The following HIPK1 variants were observed in gnomAD, a reference collection of about 807,000 sequenced individuals.
The protein encoded by HIPK1 is homeodomain-interacting protein kinase 1.
In HIPK1, 28 loss-of-function variants were observed where a neutral mutation model predicts 117.1. That is an observed-to-expected ratio of 0.24 (90% confidence interval 0.18 to 0.33). The LOEUF is 0.33. HIPK1 is among the 10% of genes least tolerant of loss of function. The pLI, the probability that HIPK1 is intolerant of heterozygous loss-of-function variation, is 1.00. For synonymous variants in HIPK1, 605 were observed against 562.5 expected (o/e 1.08, Z -1.07); for missense variants, 1,122 against 1,475.1 (o/e 0.76, Z 3.92).
chr1:113,957,261 A>G lies in HIPK1; in HGVS notation c.1730A>G (p.Asn577Ser), dbSNP rs769873321. 36 of 1,613,918 alleles carry G rather than the reference A, an allele frequency of 2.2e-5. No homozygotes were observed. The South Asian group carries it at 2.6e-4, about 12-fold the overall frequency. ...TSTNLTMSFS[N>S]QLNTVHNQAS... ...ACAAATCTAACCATGAGCTTCAGCAATCAGCTCAATACAGTGCACAATCAG... is the reference window on the plus strand; with the variant it reads ...ACAAATCTAACCATGAGCTTCAGCAGTCAGCTCAATACAGTGCACAATCAG... The change falls in exon 7 of 16, where the codon AAT (asparagine) becomes AGT (serine). Residue 577 changes from asparagine to serine, a missense_variant. By Grantham distance (46) the Asn-to-Ser change is conservative. Transcript: ENST00000426820.
chr1:113,932,112 A>G (rs948956090), intron 1 of HIPK1: 3 of 152,090 alleles, frequency 2.0e-5, no homozygotes, highest in Non-Finnish European at 2.9e-5. Context: ...AATGCCTAAT[A>G]TATTCCTGTA....
chr1:113,931,639 G>GA (rs894733694), intron 1 of HIPK1, among the ~76,000 whole-genome samples: 6 of 150,126 alleles, frequency 4.0e-5, no homozygotes, highest in African/African-American at 1.2e-4. Flanking sequence ...CCTTCTAAAA[G>GA]AAAAAAAAAG....
chr1:113,972,239 C>A (rs988805544), intron 15 of HIPK1, among the ~76,000 whole-genome samples: 9 of 152,152 alleles, frequency 5.9e-5, no homozygotes, highest in Admixed American at 5.9e-4. Flanking sequence ...GGTGCTTTAA[C>A]CATGTCTGTG....
At chr1:113,953,128 T>C (rs1002031762) in intron 3 of HIPK1, among the ~76,000 whole-genome samples, 12 of 152,206 alleles carry the variant, frequency 7.9e-5, no homozygotes, top group Non-Finnish European at 1.2e-4. Flanking sequence ...AGGTTGATAC[T>C]TTGCTAGATC....
chr1:113,959,995 A>G (rs960822124), intron 8 of HIPK1, among the ~76,000 whole-genome samples: 2 of 152,206 alleles, frequency 1.3e-5, no homozygotes, highest in Non-Finnish European at 2.9e-5. Context: ...TTGCAGAACC[A>G]TGATTTGAAC....
rs545350630 is a variant in HIPK1, at chr1:113,952,000, G to A, written c.1077-766G>A. Among the ~76,000 whole-genome samples the A allele has an allele frequency of 8.9e-4, 118 of 132,010 alleles. 1 individual carries two copies. Among genetic ancestry groups the A allele is most frequent in the African/African-American group, 3.3e-3 (114 of 34,546 alleles). 86.6% of individuals were successfully genotyped at this position (132,010 alleles called of 152,430 possible). A position where few individuals can be genotyped will look rare whatever the true frequency, so the allele number is the denominator to read the frequency against. On this transcript the variant is annotated intron_variant, in intron 2 of 15. Coordinates refer to ENST00000426820, the MANE Select transcript of HIPK1 (RefSeq NM_198268.3). ...GTCTCCTAGGCTGGAGTGTAGTGGT[G>A]TGATCTTGGCTTACTGCAACCTCTA...
chr1:113,970,307 T>C, intron 14 of HIPK1, 110 bp downstream of exon 14: 1 of 1,166,908 alleles, frequency 8.6e-7, no homozygotes, highest in Non-Finnish European at 1.2e-6. Context: ...GTGTAGACAT[T>C]CTTAAAGAGA....
intron 11 of HIPK1, among the ~76,000 whole-genome samples, chr1:113,966,604 AT>A (rs1198289789): frequency 1.8e-4 from 27 of 152,126 alleles, no homozygotes; most frequent in African/African-American, 6.5e-4. Flanking sequence ...CTAATGTTTA[AT>A]TTTTGTGATT....
At position 113,967,801 on chromosome 1, in the gene HIPK1, T is replaced by C; in HGVS notation, c.2417T>C (p.Ile806Thr). ...TCTCATGGCAACCAGTACAGCACTA[T>C]CATGCAGCAGCCATCCTTGCTGACT... ...AHSHGNQYST[I>T]MQQPSLLTNH... Residue 806 changes from isoleucine (I) to threonine (T), a missense_variant, in exon 12 of 16, where the codon ATC becomes ACC. Ile to Thr is a moderately conservative substitution (Grantham distance 89). Around this residue, in one of 6 missense-constraint regions of HIPK1, gnomAD observed 731 missense variants for 860.4 expected, o/e 0.85. Coordinates refer to ENST00000426820, the MANE Select transcript of HIPK1 (RefSeq NM_198268.3). 6.2e-7 allele frequency: 1 copy of C among 1,605,738 alleles called. No homozygotes were observed. Among genetic ancestry groups the C allele is most frequent in the South Asian group, 1.1e-5 (1 of 89,600 alleles).
intron 12 of HIPK1, 127 bp downstream of exon 12, chr1:113,968,075 G>T (rs911948629): frequency 4.3e-5 from 34 of 787,440 alleles, no homozygotes; most frequent in Non-Finnish European, 6.4e-5. Flanking sequence ...AATTGAGGAA[G>T]AGCAAATCAT....
At chr1:113,932,702 G>C (rs1247842292) in intron 1 of HIPK1, among the ~76,000 whole-genome samples, 1 of 152,066 alleles carries the variant, frequency 6.6e-6, no homozygotes, top group Admixed American at 6.5e-5. Context: ...TCTCATCTCG[G>C]AATTAGGGGG....
Position 113,958,553 on chromosome 1 carries a change from A to G in HIPK1, c.1981+262A>G, listed in dbSNP as rs1671879637. The stretch of plus-strand genomic sequence containing the variant: ...CTGATACCAGTTTTCTTGCCCATTG[A>G]GTCCTTGTGTCAATGTCGTACGTCT... On this transcript the variant is annotated intron_variant, in intron 8 of 15. Coordinates refer to ENST00000426820, the MANE Select transcript of HIPK1 (RefSeq NM_198268.3). Among the ~76,000 whole-genome samples the G allele has an allele frequency of 3.3e-5, 5 of 152,310 alleles. No individual in the cohort carries two copies. In the South Asian group the frequency reaches 1.0e-3, roughly 32 times the overall value.
Position 113,973,598 on chromosome 1 carries a change from AC to A in HIPK1, c.*89del. 1 of 1,448,106 alleles carries A rather than the reference AC, an allele frequency of 6.9e-7. No homozygotes were observed. The highest frequency in any genetic ancestry group is 9.2e-7 in the Non-Finnish European group (1 of 1,088,458). 89.7% of individuals were successfully genotyped at this position (1,448,106 alleles called of 1,614,324 possible). A position where few individuals can be genotyped will look rare whatever the true frequency, so the allele number is the denominator to read the frequency against. On this transcript the variant is annotated 3_prime_UTR_variant, in exon 16 of 16. Coordinates refer to ENST00000426820, the MANE Select transcript of HIPK1 (RefSeq NM_198268.3). ...TTGGGCTATGGAGAGATCCTCCTTT[AC>A]CCTCTTGAAATTTCTTAGCCAGCAA...
At position 113,958,132 on chromosome 1, in the gene HIPK1, T is replaced by C; in HGVS notation, c.1822T>C (p.Ser608Pro). ...ATLSLANSDVSLLNYQSALYP... is the reference protein window; with the variant it reads ...ATLSLANSDVPLLNYQSALYP... ...TCTTTCTCTGGCTAATTCAGATGTC[T>C]CACTACTAAACTACCAGTCAGCTTT... The change falls in exon 8 of 16, where the codon TCA (serine) becomes CCA (proline). Residue 608 changes from serine to proline, a missense_variant. Ser to Pro is a moderately conservative substitution (Grantham distance 74, BLOSUM62 -1). This residue lies in a region of HIPK1 where 731 missense variants were observed against 860.4 expected (regional missense o/e 0.85). Transcript: ENST00000426820. 1 of 1,614,222 alleles carries C rather than the reference T, an allele frequency of 6.2e-7. No individual in the cohort carries two copies. The highest frequency in any genetic ancestry group is 8.5e-7 in the Non-Finnish European group (1 of 1,180,026).
At chr1:113,930,025 C>T in intron 1 of HIPK1, 1 of 984,962 alleles carries the variant, frequency 1.0e-6, no homozygotes. Flanking sequence ...GCCGCCGGCT[C>T]TCCTGGAGCG....
At chr1:113,952,042 G>A (rs1043940361) in intron 2 of HIPK1, among the ~76,000 whole-genome samples, 1 of 149,272 alleles carries the variant, frequency 6.7e-6, no homozygotes, top group Non-Finnish European at 1.5e-5. Context: ...GGGTTCAAGC[G>A]ATTCTTTTGT....
At chr1:113,938,630 CA>C (rs994016466) in intron 1 of HIPK1, among the ~76,000 whole-genome samples, 6 of 151,710 alleles carry the variant, frequency 4.0e-5, no homozygotes, top group Non-Finnish European at 7.4e-5. Context: ...CTTAGGAGGC[CA>C]GGGGCAGTGG....
At chr1:113,944,240 C>T (rs1393609407) in intron 2 of HIPK1, among the ~76,000 whole-genome samples, 7 of 121,924 alleles carry the variant, frequency 5.7e-5, no homozygotes, top group African/African-American at 9.7e-5. Flanking sequence ...GGTGCGATCT[C>T]GGCTCACTGC....
At chr1:113,949,063 C>A (rs1472338265) in intron 2 of HIPK1, among the ~76,000 whole-genome samples, 9 of 152,286 alleles carry the variant, frequency 5.9e-5, no homozygotes, top group African/African-American at 1.9e-4. Context: ...GACTTGAACT[C>A]CTGACCTCAG....
Sources: allele counts gnomAD v4.1 joint callset (sites outside exome capture counted in the v4.1 genomes callset), GRCh38; gene constraint gnomAD v4.1.1; regional missense constraint gnomAD v4.1.1; transcripts MANE v1.5; gene names NCBI Gene and HGNC (gene_info 2026-07-23, HGNC 2026-07-21).